The following MERTK variants were observed in gnomAD, a reference collection of about 807,000 sequenced individuals.
The protein encoded by MERTK is tyrosine-protein kinase Mer.
MERTK carries 69 observed loss-of-function variants against 99.3 expected under a neutral mutation model. That is an observed-to-expected ratio of 0.70 (90% CI 0.57 to 0.85). The LOEUF (loss-of-function observed/expected upper bound fraction) is 0.85, where lower values mean the gene tolerates loss of function less well. MERTK is among the 40% of genes least tolerant of loss of function. The probability of loss-of-function intolerance (pLI) is 0.00; values close to 1 mark genes in which losing one functional copy is unlikely to be tolerated. For missense variants in MERTK, 1,125 were observed against 1,249.4 expected (o/e 0.90, Z 1.50); for synonymous variants, 426 against 467.6 (o/e 0.91, Z 1.15).
At chr2:111,919,799 C>CTT (rs5833425) in intron 1 of MERTK, among the ~76,000 whole-genome samples, 5 of 130,418 alleles carry the variant, frequency 3.8e-5, no homozygotes, top group African/African-American at 5.7e-5. Context: ...TTTTTCTTTT[C>CTT]TTTTTTTTTT....
Position 112,003,947 on chromosome 2 carries a change from T to A in MERTK, c.1830T>A (p.Asp610Glu). ...TGGAAGGAAATCTTAAGCAGGAAGA[T>A]GGGACCTCTCTGAAAGTGGCAGTGA... ...SVMEGNLKQE[D>E]GTSLKVAVKT... Residue 610 changes from aspartate (D) to glutamate (E), a missense_variant, in exon 13 of 19, where the codon GAT (aspartate) becomes GAA (glutamate). By Grantham distance (45) the Asp-to-Glu change is conservative. Coordinates refer to ENST00000295408, the MANE Select transcript of MERTK (RefSeq NM_006343.3). 3.1e-6 allele frequency: 5 copies of A among 1,613,812 alleles called. No individual in the cohort carries two copies. Among genetic ancestry groups the A allele is most frequent in the Non-Finnish European group, 3.4e-6 (4 of 1,179,714 alleles).
At chr2:112,023,274 T>C (rs976763406) in intron 18 of MERTK, among the ~76,000 whole-genome samples, 1 of 151,464 alleles carries the variant, frequency 6.6e-6, no homozygotes, top group East Asian at 1.9e-4. Flanking sequence ...ATTAGCCGGG[T>C]GTGGTGGCGG....
intron 1 of MERTK, among the ~76,000 whole-genome samples, chr2:111,909,086 G>C (rs554214440): frequency 6.6e-6 from 1 of 152,294 alleles, no homozygotes; most frequent in East Asian, 1.9e-4. Context: ...TCATTTCATT[G>C]CATTTAGGAT....
chr2:111,908,673 T>C lies in MERTK; in HGVS notation c.61+9877T>C, dbSNP rs952894708. On this transcript the variant is annotated intron_variant, in intron 1 of 18. Coordinates refer to ENST00000295408, the MANE Select transcript of MERTK (RefSeq NM_006343.3). ...AACCAAAATGGGAGTATTTTTCTCA[T>C]ACAACAAGCAGTCTGACAGCAACCA... is the stretch of plus-strand genomic sequence containing the variant. 3.9e-5 allele frequency among the ~76,000 whole-genome samples: 6 copies of C among 152,224 alleles called. No individual in the cohort carries two copies. In the East Asian group the frequency reaches 1.2e-3, roughly 29 times the overall value.
chr2:112,026,890 G>T lies in MERTK; in HGVS notation c.2487-1461G>T, dbSNP rs140665941. 1.7e-3 allele frequency among the ~76,000 whole-genome samples: 254 copies of T among 152,286 alleles called. 4 individuals carry two copies. The East Asian group carries it at 0.021, about 13-fold the overall frequency. On this transcript the variant is annotated intron_variant, in intron 18 of 18. Coordinates refer to ENST00000295408, the MANE Select transcript of MERTK (RefSeq NM_006343.3). ...ATATGGAAATTGCATATTTCTGTTC[G>T]TAAGATGCTAGTAATTTATTGCATG...
rs116395042 is a variant in MERTK, at chr2:111,999,802, A to G, written c.1605-1399A>G. On this transcript the variant is annotated intron_variant, in intron 10 of 18. Coordinates refer to ENST00000295408, the MANE Select transcript of MERTK (RefSeq NM_006343.3). ...GCAGGTGGGCTGAGTCCGAAAAAGG[A>G]GTCAGCAAAGGATGGTGGAATTATC... Among the ~76,000 whole-genome samples the G allele has an allele frequency of 7.1e-3, 1,077 of 152,272 alleles. 13 individuals are homozygous for G. Among genetic ancestry groups the G allele is most frequent in the Middle Eastern group, 0.01 (3 of 294 alleles).
intron 6 of MERTK, among the ~76,000 whole-genome samples, chr2:111,968,741 C>G (rs1404063437): frequency 6.6e-6 from 1 of 152,168 alleles, no homozygotes; most frequent in East Asian, 1.9e-4. Flanking sequence ...GTTGGTCAGG[C>G]TGGTCTCAAA....
intron 2 of MERTK, chr2:111,940,381 AT>A: frequency 1.9e-6 from 1 of 528,396 alleles, no homozygotes. Context: ...GGCTTCATTA[AT>A]TTTTGTCTGT....
chr2:112,026,813 T>C (rs1008635489), intron 18 of MERTK, among the ~76,000 whole-genome samples: 1 of 152,236 alleles, frequency 6.6e-6, no homozygotes, highest in African/African-American at 2.4e-5. Context: ...GTGTGTGAAG[T>C]AACATGTTAG....
At chr2:111,900,250 G>A (rs1334172828) in intron 1 of MERTK, among the ~76,000 whole-genome samples, 1 of 152,132 alleles carries the variant, frequency 6.6e-6, no homozygotes, top group Non-Finnish European at 1.5e-5. Flanking sequence ...CTTAAACAGT[G>A]CACCCACTTT....
chr2:112,018,364 T>C (rs1485930664), intron 15 of MERTK, among the ~76,000 whole-genome samples: 1 of 152,168 alleles, frequency 6.6e-6, no homozygotes, highest in African/African-American at 2.4e-5. Flanking sequence ...CCAAATCCTT[T>C]CCTGGAAATC....
chr2:111,939,186 C>CGGGG (rs1350647948), intron 2 of MERTK, among the ~76,000 whole-genome samples: 2 of 152,166 alleles, frequency 1.3e-5, no homozygotes, highest in African/African-American at 4.8e-5. Flanking sequence ...GCTGATGCGA[C>CGGGG]TCTGCGGGGT....
At chr2:111,911,479 C>A (rs1684247104) in intron 1 of MERTK, among the ~76,000 whole-genome samples, 1 of 151,746 alleles carries the variant, frequency 6.6e-6, no homozygotes, top group Non-Finnish European at 1.5e-5. Context: ...ACCTCCGCCT[C>A]CTGGGTTCAA....
At chr2:111,952,888 C>T (rs528484336) in intron 4 of MERTK, among the ~76,000 whole-genome samples, 1 of 152,224 alleles carries the variant, frequency 6.6e-6, no homozygotes. Flanking sequence ...ATATCACATA[C>T]ACACAGTATT....
intron 15 of MERTK, among the ~76,000 whole-genome samples, chr2:112,011,418 T>A (rs938801758): frequency 2.0e-5 from 3 of 152,152 alleles, no homozygotes; most frequent in African/African-American, 7.2e-5. Context: ...AGTGAAGCAG[T>A]GCCATGGGAC....
At chr2:111,919,090 T>C (rs947749810) in intron 1 of MERTK, among the ~76,000 whole-genome samples, 1 of 152,216 alleles carries the variant, frequency 6.6e-6, no homozygotes, top group East Asian at 1.9e-4. Flanking sequence ...TCTACGTGGC[T>C]GAGCTGGGGC....
intron 2 of MERTK, among the ~76,000 whole-genome samples, chr2:111,935,972 A>G (rs1239732814): frequency 1.3e-5 from 2 of 151,978 alleles, no homozygotes; most frequent in Non-Finnish European, 2.9e-5. Context: ...GCTGGAGTGC[A>G]GTGGCGTAAT....
At chr2:111,943,996 A>G (rs1684911010) in intron 2 of MERTK, among the ~76,000 whole-genome samples, 1 of 152,074 alleles carries the variant, frequency 6.6e-6, no homozygotes, top group African/African-American at 2.4e-5. Context: ...TGCAGAGTCT[A>G]CCATAGAAAT....
chr2:111,953,964 C>T (rs760210091), intron 4 of MERTK, among the ~76,000 whole-genome samples: 2 of 152,178 alleles, frequency 1.3e-5, no homozygotes, highest in Non-Finnish European at 2.9e-5. Context: ...CCTGGTTCAT[C>T]GCCAGGACTG....
Sources: allele counts gnomAD v4.1 joint callset (sites outside exome capture counted in the v4.1 genomes callset), GRCh38; gene constraint gnomAD v4.1.1; transcripts MANE v1.5; gene names NCBI Gene and HGNC (gene_info 2026-07-23, HGNC 2026-07-21).